The following ADGRB3 variants were observed in gnomAD, a reference collection of about 807,000 sequenced individuals.
The protein encoded by ADGRB3 is brain-specific angiogenesis inhibitor 3.
ADGRB3 carries 37 observed loss-of-function variants against 193.4 expected under a neutral mutation model. That is an observed-to-expected ratio of 0.19 (90% CI 0.15 to 0.25). The LOEUF (loss-of-function observed/expected upper bound fraction) is 0.25. ADGRB3 is among the 10% of genes least tolerant of loss of function. The pLI, the probability that ADGRB3 is intolerant of heterozygous loss-of-function variation, is 1.00. For missense variants in ADGRB3, 1,637 were observed against 1,852.9 expected, an observed-to-expected ratio of 0.88 and a Z score of 2.14; for synonymous variants, 690 against 644.2, an observed-to-expected ratio of 1.07 and a Z score of -1.08.
At chr6:69,376,649 G>C (rs191554180) in intron 30 of ADGRB3, among the ~76,000 whole-genome samples, 1 of 152,092 alleles carries the variant, frequency 6.6e-6, no homozygotes, top group Admixed American at 6.6e-5. Context: ...CAGCTAAATT[G>C]TGACATAGAA....
rs1774830922 is a variant in ADGRB3 at position 69,156,073 on chromosome 6, C to T, written c.2481-77217C>T. Among the ~76,000 whole-genome samples the T allele has an allele frequency of 1.3e-5, 2 of 151,944 alleles. 1 individual carries two copies. Among genetic ancestry groups the T allele is most frequent in the South Asian group, 4.1e-4 (2 of 4,824 alleles). ...TAATTTAAAAATATTTAATTGAGAA[C>T]CTAGTCTCAATTAATTAAGCCCAAA... On this transcript the variant is annotated intron_variant, in intron 17 of 31. Coordinates refer to ENST00000370598, the MANE Select transcript of ADGRB3 (RefSeq NM_001704.3).
chr6:69,366,060 G>A (rs1191342644), intron 29 of ADGRB3, among the ~76,000 whole-genome samples: 1 of 152,054 alleles, frequency 6.6e-6, no homozygotes, highest in African/African-American at 2.4e-5. Context: ...GGGGCACTCT[G>A]TCACTAACAG....
At chr6:69,136,651 A>C (rs1323728167) in intron 17 of ADGRB3, among the ~76,000 whole-genome samples, 1 of 151,942 alleles carries the variant, frequency 6.6e-6, no homozygotes, top group African/African-American at 2.4e-5. Context: ...TTTCTTCTTC[A>C]AAATGGAGAA....
At position 68,780,884 on chromosome 6, in the gene ADGRB3, T is replaced by C. The variant is rs139859566; in HGVS notation, c.757+141452T>C. Among the ~76,000 whole-genome samples the C allele has an allele frequency of 6.7e-4, 102 of 152,268 alleles. 1 individual carries two copies. In the East Asian group the frequency reaches 0.019, roughly 28 times the overall value. ...AGACTTTATTTGGATTTCACAATTA[T>C]GTAGCTTCTTAAAAAATGTTATTTA... On this transcript the variant is annotated intron_variant, in intron 3 of 31. Coordinates refer to ENST00000370598, the MANE Select transcript of ADGRB3 (RefSeq NM_001704.3).
At chr6:69,189,005 A>C (rs1266627433) in intron 17 of ADGRB3, among the ~76,000 whole-genome samples, 1 of 152,238 alleles carries the variant, frequency 6.6e-6, no homozygotes, top group Non-Finnish European at 1.5e-5. Flanking sequence ...AAAGATTTTT[A>C]AACTTAATTA....
intron 3 of ADGRB3, among the ~76,000 whole-genome samples, chr6:68,662,791 A>G (rs1299061743): frequency 1.3e-5 from 2 of 151,466 alleles, no homozygotes; most frequent in Non-Finnish European, 1.5e-5. Flanking sequence ...TGAAAATAGT[A>G]TTTAGTGCCT....
At chr6:69,295,204 T>C (rs1233239092) in intron 20 of ADGRB3, among the ~76,000 whole-genome samples, 4 of 152,158 alleles carry the variant, frequency 2.6e-5, no homozygotes, top group Admixed American at 2.6e-4. Flanking sequence ...AATATATAAA[T>C]AACGAGGTAA....
intron 17 of ADGRB3, among the ~76,000 whole-genome samples, chr6:69,105,210 A>G (rs564355398): frequency 6.6e-6 from 1 of 152,272 alleles, no homozygotes; most frequent in South Asian, 2.1e-4. Flanking sequence ...TGGAAATTCC[A>G]TCTACCATTA....
chr6:68,744,041 C>T (rs1766033787), intron 3 of ADGRB3, among the ~76,000 whole-genome samples: 1 of 151,782 alleles, frequency 6.6e-6, no homozygotes. Flanking sequence ...GGAAAAATGA[C>T]AGGTTGTTTT....
At chr6:68,740,741 T>C (rs376312699) in intron 3 of ADGRB3, among the ~76,000 whole-genome samples, 1 of 152,310 alleles carries the variant, frequency 6.6e-6, no homozygotes. Context: ...TATTTATCCA[T>C]TATGTTGTGC....
At chr6:69,263,734 G>A (rs995612312) in intron 20 of ADGRB3, among the ~76,000 whole-genome samples, 1 of 151,926 alleles carries the variant, frequency 6.6e-6, no homozygotes, top group Admixed American at 6.6e-5. Context: ...CAAATGCTAA[G>A]GGAGACATGT....
At chr6:68,656,753 T>C (rs1768498638) in intron 3 of ADGRB3, among the ~76,000 whole-genome samples, 1 of 151,618 alleles carries the variant, frequency 6.6e-6, no homozygotes. Context: ...TTCGGCTTCA[T>C]ATTCACATAT....
chr6:69,297,557 T>C (rs1406263884), intron 20 of ADGRB3, among the ~76,000 whole-genome samples: 1 of 151,916 alleles, frequency 6.6e-6, no homozygotes, highest in East Asian at 1.9e-4. Flanking sequence ...GCTGGGGATT[T>C]CGGTGGGGGA....
chr6:69,165,553 C>T (rs1775110919), intron 17 of ADGRB3, among the ~76,000 whole-genome samples: 1 of 151,940 alleles, frequency 6.6e-6, no homozygotes, highest in Non-Finnish European at 1.5e-5. Flanking sequence ...GAATCTTAAT[C>T]AGCCTTCAAA....
chr6:69,384,462 T>C (rs1186416066), intron 31 of ADGRB3, among the ~76,000 whole-genome samples: 2 of 152,164 alleles, frequency 1.3e-5, no homozygotes, highest in South Asian at 2.1e-4. Context: ...ATTGAAATAA[T>C]TGAAGAAACT....
intron 17 of ADGRB3, among the ~76,000 whole-genome samples, chr6:69,184,238 C>G (rs1765018059): frequency 1.3e-5 from 2 of 152,046 alleles, no homozygotes; most frequent in Non-Finnish European, 2.9e-5. Context: ...AAAGTGTCCC[C>G]ATCAGCTGGC....
chr6:68,912,211 A>G (rs1766732722), intron 3 of ADGRB3, among the ~76,000 whole-genome samples: 1 of 152,040 alleles, frequency 6.6e-6, no homozygotes, highest in Non-Finnish European at 1.5e-5. Context: ...AATGCCTTTC[A>G]GTCTCAGTAA....
chr6:68,839,109 C>CATACAT (rs1554203287), intron 3 of ADGRB3, among the ~76,000 whole-genome samples: 1 of 135,082 alleles, frequency 7.4e-6, no homozygotes, highest in African/African-American at 2.7e-5. Context: ...CACACACACA[C>CATACAT]ATTCCCACAT....
intron 31 of ADGRB3, among the ~76,000 whole-genome samples, chr6:69,387,572 G>A (rs750416973): frequency 2.0e-5 from 3 of 151,916 alleles, no homozygotes; most frequent in Non-Finnish European, 4.4e-5. Context: ...TTTTGTTGTT[G>A]TTTTGGTTTT....
Sources: allele counts gnomAD v4.1 joint callset (sites outside exome capture counted in the v4.1 genomes callset), GRCh38; gene constraint gnomAD v4.1.1; transcripts MANE v1.5; gene names NCBI Gene and HGNC (gene_info 2026-07-23, HGNC 2026-07-21).